PRDM1: variants seen among roughly 807,000 people sequenced by gnomAD.
The protein encoded by PRDM1 is PR domain zinc finger protein 1.
Under a neutral mutation model 62.8 loss-of-function variants are expected in PRDM1, and 13 were observed. That is an observed-to-expected ratio of 0.21 (90% CI 0.13 to 0.33). The LOEUF is 0.33. Ranked by LOEUF, PRDM1 falls within the 10% of genes least tolerant of loss-of-function variation. PRDM1 has a pLI of 1.00. For missense variants in PRDM1, 895 were observed against 1,058.8 expected (o/e 0.85, Z 2.15); for synonymous variants, 396 against 417.6 (o/e 0.95, Z 0.63).
chr6:106,105,964 C>A, intron 5 of PRDM1, 31 bp downstream of exon 5: 1 of 1,587,624 alleles, frequency 6.3e-7, no homozygotes, highest in Non-Finnish European at 8.6e-7. Context: ...GTCCAAGGGG[C>A]TGTGAGTGCA....
intron 4 of PRDM1, among the ~76,000 whole-genome samples, chr6:106,104,017 A>G (rs1774355883): frequency 6.6e-6 from 1 of 152,190 alleles, no homozygotes; most frequent in African/African-American, 2.4e-5. Flanking sequence ...GCTTTATCAA[A>G]TTCGTATTCA....
At chr6:106,043,691 C>T (rs1773034693), upstream of PRDM1, among the ~76,000 whole-genome samples, 1 of 152,106 alleles carries the variant, frequency 6.6e-6, no homozygotes, top group Admixed American at 6.6e-5. Context: ...TGCACCACCA[C>T]ACCCAGCTAA....
At chr6:106,070,818 T>C (rs1773500126) in intron 1 of PRDM1, among the ~76,000 whole-genome samples, 1 of 152,238 alleles carries the variant, frequency 6.6e-6, no homozygotes, top group Non-Finnish European at 1.5e-5. Flanking sequence ...GACAAACATA[T>C]TGGGCTCTGA....
chr6:106,002,354 A>G (rs1772436270), intron 1 of PRDM1, among the ~76,000 whole-genome samples: 1 of 152,056 alleles, frequency 6.6e-6, no homozygotes, highest in Non-Finnish European at 1.5e-5. Context: ...GCTTATAAAC[A>G]TTTACTTTGT....
At chr6:106,058,606 G>A (rs1773298748) in intron 1 of PRDM1, among the ~76,000 whole-genome samples, 1 of 152,082 alleles carries the variant, frequency 6.6e-6, no homozygotes, top group Non-Finnish European at 1.5e-5. Flanking sequence ...GAGTGTCACT[G>A]TTGTTGCCCA....
At chr6:106,087,148 A>C (rs1389024202) in intron 1 of PRDM1, among the ~76,000 whole-genome samples, 2 of 152,244 alleles carry the variant, frequency 1.3e-5, no homozygotes, top group Non-Finnish European at 2.9e-5. Flanking sequence ...TATATGAGAA[A>C]ACCCTTACAG....
intron 1 of PRDM1, among the ~76,000 whole-genome samples, chr6:106,013,106 C>T (rs1429150889): frequency 6.6e-6 from 1 of 151,946 alleles, no homozygotes. Flanking sequence ...AGGCTGGTCT[C>T]GAACTGTCCT....
intron 1 of PRDM1, among the ~76,000 whole-genome samples, chr6:106,012,494 A>G (rs1023590878): frequency 2.6e-5 from 4 of 151,844 alleles, no homozygotes; most frequent in Non-Finnish European, 5.9e-5. Context: ...ACACCCCTCC[A>G]CATTTACACA....
At chr6:106,043,767 C>A (rs946985770), upstream of PRDM1, among the ~76,000 whole-genome samples, 1 of 152,076 alleles carries the variant, frequency 6.6e-6, no homozygotes, top group Non-Finnish European at 1.5e-5. Context: ...CTCCTGACCT[C>A]CAGTGATCCG....
intron 1 of PRDM1, among the ~76,000 whole-genome samples, chr6:106,010,448 G>A (rs1772532019): frequency 6.6e-6 from 1 of 152,062 alleles, no homozygotes; most frequent in Non-Finnish European, 1.5e-5. Flanking sequence ...CTATGGTTAT[G>A]GATGACAGTT....
intron 1 of PRDM1, among the ~76,000 whole-genome samples, chr6:106,042,707 C>G (rs1773020757): frequency 1.3e-5 from 2 of 152,156 alleles, no homozygotes; most frequent in Non-Finnish European, 2.9e-5. Flanking sequence ...TGTACCTCAA[C>G]TTATGCACTC....
intron 2 of PRDM1, among the ~76,000 whole-genome samples, chr6:106,092,842 A>G (rs944029419): frequency 2.0e-5 from 3 of 152,192 alleles, no homozygotes; most frequent in African/African-American, 7.2e-5. Flanking sequence ...AGAACGCTAG[A>G]CTTAGAATGG....
At chr6:106,095,793 A>G in intron 3 of PRDM1, 59 bp downstream of exon 3, 1 of 1,583,422 alleles carries the variant, frequency 6.3e-7, no homozygotes, top group Non-Finnish European at 8.6e-7. Context: ...GAGCTAAAAG[A>G]GCTGGGTGGC....
chr6:106,047,121 C>T (rs576877201), upstream of PRDM1, among the ~76,000 whole-genome samples: 4 of 152,304 alleles, frequency 2.6e-5, 1 homozygote, highest in African/African-American at 9.6e-5. Flanking sequence ...CTTCATGATA[C>T]TGTAGTCATA....
chr6:105,993,075 G>A (rs1772299217), upstream of PRDM1, among the ~76,000 whole-genome samples: 1 of 152,208 alleles, frequency 6.6e-6, no homozygotes, highest in African/African-American at 2.4e-5. Flanking sequence ...GGGGGCCCGT[G>A]AGTGGCATTT....
intron 1 of PRDM1, among the ~76,000 whole-genome samples, chr6:106,064,437 A>G (rs1773394512): frequency 6.6e-6 from 1 of 152,200 alleles, no homozygotes; most frequent in African/African-American, 2.4e-5. Flanking sequence ...TGCAATGAGT[A>G]AAAGAGCCTT....
At chr6:106,053,089 C>A (rs924095717) in intron 1 of PRDM1, among the ~76,000 whole-genome samples, 8 of 151,954 alleles carry the variant, frequency 5.3e-5, no homozygotes, top group Non-Finnish European at 1.0e-4. Context: ...ATTTTAATTG[C>A]ATTTTTATTT....
chr6:106,010,146 G>C (rs1165368525), intron 1 of PRDM1, among the ~76,000 whole-genome samples: 1 of 152,144 alleles, frequency 6.6e-6, no homozygotes, highest in Admixed American at 6.5e-5. Context: ...GCTTGGCGTA[G>C]GGCCTCTACA....
intron 1 of PRDM1, among the ~76,000 whole-genome samples, chr6:106,074,692 A>C (rs1201835656): frequency 1.3e-5 from 2 of 152,150 alleles, no homozygotes; most frequent in African/African-American, 2.4e-5. Flanking sequence ...AATATCGGAG[A>C]GGCCTGGTGC....
Sources: gnomAD v4.1 joint callset for allele counts (sites outside exome capture counted in the v4.1 genomes callset) on GRCh38, gnomAD v4.1.1 for gene constraint, MANE v1.5 for transcripts, NCBI Gene and HGNC (gene_info 2026-07-23, HGNC 2026-07-21) for gene names.